IPO5: variants seen among roughly 807,000 people sequenced by gnomAD.
IPO5 encodes importin 5.
Under a neutral mutation model 143.3 loss-of-function variants are expected in IPO5, and 18 were observed. The ratio of observed to expected loss-of-function variants is 0.13; its 90% CI spans 0.09 to 0.19. The LOEUF (loss-of-function observed/expected upper bound fraction) is 0.19, where lower values mean the gene tolerates loss of function less well. Ranked by LOEUF, IPO5 falls within the 10% of genes least tolerant of loss-of-function variation. The probability of loss-of-function intolerance (pLI) is 1.00; values close to 1 mark genes in which losing one functional copy is unlikely to be tolerated. For synonymous variants in IPO5, 477 were observed against 465.7 expected (o/e 1.02, Z -0.31); for missense variants, 1,013 against 1,336.9 (o/e 0.76, Z 3.78).
intron 25 of IPO5, 125 bp from the exon 26 acceptor site, chr13:98,018,360 A>C: frequency 1.5e-6 from 1 of 689,508 alleles, no homozygotes; most frequent in Non-Finnish European, 2.5e-6. Context: ...GGTTGTTACT[A>C]TGTTTTCTTT....
intron 20 of IPO5, among the ~76,000 whole-genome samples, chr13:98,011,401 C>A (rs1298732005): frequency 1.3e-5 from 2 of 152,172 alleles, no homozygotes; most frequent in Non-Finnish European, 2.9e-5. Flanking sequence ...AGTGATTCTC[C>A]TGCCTTAACC....
rs1414167198 is a variant in IPO5, at chr13:98,023,365, TA to T, written c.*1548del. 1 of 152,144 alleles carries T rather than the reference TA, an allele frequency of 6.6e-6. No homozygotes were observed. Among genetic ancestry groups the T allele is most frequent in the Admixed American group, 6.6e-5 (1 of 15,254 alleles). 9.4% of individuals were successfully genotyped at this position (152,144 alleles called of 1,614,324 possible). A position where few individuals can be genotyped will look rare whatever the true frequency, so the allele number is the denominator to read the frequency against. On this transcript the variant is annotated 3_prime_UTR_variant, in exon 29 of 29. Coordinates refer to ENST00000651721, the MANE Select transcript of IPO5 (RefSeq NM_002271.6). ...TGGGAGAAAAAAATGGGAATTGGAG[TA>T]AAAAGTGTGTCAAGACAACCCCTTT... is the stretch of plus-strand genomic sequence containing the variant.
chr13:97,974,573 G>A (rs1886103242), intron 3 of IPO5, among the ~76,000 whole-genome samples: 1 of 151,264 alleles, frequency 6.6e-6, no homozygotes. Context: ...GCCCCCCAAA[G>A]TGCTGGGATT....
Position 98,004,370 on chromosome 13 carries a change from C to G in IPO5, c.1497+1333C>G, listed in dbSNP as rs75150226. 2.4e-4 allele frequency among the ~76,000 whole-genome samples: 37 copies of G among 152,238 alleles called. No individual in the cohort carries two copies. In the East Asian group the frequency reaches 3.5e-3, roughly 14 times the overall value. ...GTGCTCAGTATCAGATGACAGCAGACTAAGAATATGATAAAGGAAACATTC... is the reference window on the plus strand; with the variant it reads ...GTGCTCAGTATCAGATGACAGCAGAGTAAGAATATGATAAAGGAAACATTC... On this transcript the variant is annotated intron_variant, in intron 16 of 28. Coordinates refer to ENST00000651721, the MANE Select transcript of IPO5 (RefSeq NM_002271.6).
Position 97,988,523 on chromosome 13 carries a change from C to A in IPO5, c.365-539C>A, listed in dbSNP as rs764164249. On this transcript the variant is annotated intron_variant, in intron 6 of 28. Coordinates refer to ENST00000651721, the MANE Select transcript of IPO5 (RefSeq NM_002271.6). Reference sequence around the variant, plus strand: ...CCTCTGCCAGCCAGGTGCGGTGGCTCACGCCTGTAATCCTAGTACTTTGGA... The same window carrying A: ...CCTCTGCCAGCCAGGTGCGGTGGCTAACGCCTGTAATCCTAGTACTTTGGA... Among the ~76,000 whole-genome samples, 11 of 152,206 alleles carry A rather than the reference C, an allele frequency of 7.2e-5. 1 individual carries two copies. The highest frequency in any genetic ancestry group is 2.0e-4 in the Admixed American group (3 of 15,274).
rs753815247 is a variant in IPO5, at chr13:98,019,897, C to T, written c.3065+88C>T. ...CTAACATCAGTCTTTTAAGGTTTAACCACATGATCTCTGCACAGTCCTCAG... is the reference window on the plus strand; with the variant it reads ...CTAACATCAGTCTTTTAAGGTTTAATCACATGATCTCTGCACAGTCCTCAG... On this transcript the variant is annotated intron_variant, in intron 27 of 28. Transcript: ENST00000651721. 7.9e-5 allele frequency: 65 copies of T among 819,194 alleles called. 1 individual carries two copies. The highest frequency in any genetic ancestry group is 1.3e-4 in the South Asian group (9 of 67,814). The allele number at this position is 819,194 out of a possible 1,614,324, so 50.7% of individuals were successfully genotyped here.
chr13:98,005,631 GT>G (rs951066232), intron 16 of IPO5, among the ~76,000 whole-genome samples: 25 of 152,234 alleles, frequency 1.6e-4, no homozygotes, highest in African/African-American at 5.5e-4. Flanking sequence ...CATCTCATCT[GT>G]TTCAGCAAGA....
chr13:98,003,907 C>G (rs534900138), intron 16 of IPO5, among the ~76,000 whole-genome samples: 1 of 151,776 alleles, frequency 6.6e-6, no homozygotes, highest in East Asian at 1.9e-4. Flanking sequence ...ACCAGAGTGG[C>G]AGAAATACAG....
At chr13:98,018,449 C>G in intron 25 of IPO5, 36 bp from the exon 26 acceptor site, 1 of 1,383,908 alleles carries the variant, frequency 7.2e-7, no homozygotes, top group South Asian at 1.2e-5. Context: ...TTGTGTACAC[C>G]AGTATTTGAA....
chr13:97,955,994 T>C (rs1884427219), intron 2 of IPO5, among the ~76,000 whole-genome samples: 1 of 151,842 alleles, frequency 6.6e-6, no homozygotes, highest in African/African-American at 2.4e-5. Context: ...TAGCCGGGCG[T>C]GGTGGCGGGC....
chr13:98,006,499 C>G (rs1345769870), intron 17 of IPO5, 151 bp downstream of exon 17: 4 of 548,220 alleles, frequency 7.3e-6, no homozygotes, highest in African/African-American at 2.0e-5. Context: ...CTCAGCCTCC[C>G]GAGTAGCTGG....
Position 97,976,736 on chromosome 13 carries a change from C to T in IPO5, c.40C>T (p.Leu14Phe). 7.1e-7 allele frequency: 1 copy of T among 1,416,670 alleles called. No homozygotes were observed. Among genetic ancestry groups the T allele is most frequent in the South Asian group, 1.2e-5 (1 of 83,896 alleles). The allele number at this position is 1,416,670 out of a possible 1,614,324, so 87.8% of individuals were successfully genotyped here. The change falls in exon 4 of 29, where the codon CTC becomes TTC. Residue 14 changes from leucine (L) to phenylalanine (F), a missense_variant. This residue lies in a region of IPO5 where 328 missense variants were observed against 342.0 expected (regional missense o/e 0.96). Transcript: ENST00000651721. ...AAAEQQQFYL[L>F]LGNLLSPDNV... Reference sequence around the variant, plus strand: ...GGCGGAGCAGCAACAGTTCTACCTGCTCCTGGGAAACCTGCTCAGCCCCGA... The same window carrying T: ...GGCGGAGCAGCAACAGTTCTACCTGTTCCTGGGAAACCTGCTCAGCCCCGA...
At chr13:97,966,357 G>C (rs1218251046) in intron 2 of IPO5, among the ~76,000 whole-genome samples, 1 of 152,086 alleles carries the variant, frequency 6.6e-6, no homozygotes, top group African/African-American at 2.4e-5. Flanking sequence ...ATTGGATTCT[G>C]TGAAAAGCTT....
chr13:97,955,531 C>A lies in IPO5; in HGVS notation c.-113+1333C>A, dbSNP rs558368912. On this transcript the variant is annotated intron_variant, in intron 2 of 28. Transcript: ENST00000651721. ...AGGCAGAAATATAAGAGTTGAAATC[C>A]CAGAGTTCCAGAACAATTTCACCTC... Among the ~76,000 whole-genome samples the A allele has an allele frequency of 7.2e-5, 11 of 152,198 alleles. No individual in the cohort carries two copies. In the East Asian group the frequency reaches 2.1e-3, roughly 29 times the overall value.
Position 98,018,358 on chromosome 13 carries a change from CTA to C in IPO5, c.2617-125_2617-124del, listed in dbSNP as rs1309830264. 4.4e-6 allele frequency: 3 copies of C among 680,748 alleles called. No individual in the cohort carries two copies. In the Admixed American group the frequency reaches 9.0e-5, roughly 20 times the overall value. 42.2% of individuals were successfully genotyped at this position (680,748 alleles called of 1,614,324 possible). The stretch of plus-strand genomic sequence containing the variant: ...CGTTGGTCACAAGAAGTGGTTGTTA[CTA>C]TGTTTTCTTTTTTCTTTTGCCTGTA... On this transcript the variant is annotated intron_variant, in intron 25 of 28. Coordinates refer to ENST00000651721, the MANE Select transcript of IPO5 (RefSeq NM_002271.6).
intron 24 of IPO5, among the ~76,000 whole-genome samples, chr13:98,016,051 A>C (rs951834258): frequency 1.3e-5 from 2 of 152,246 alleles, no homozygotes; most frequent in Non-Finnish European, 2.9e-5. Context: ...TGCTCACAAC[A>C]ACCATTTGTA....
chr13:98,012,075 T>G (rs933953504), intron 20 of IPO5, among the ~76,000 whole-genome samples, 171 bp from the exon 21 acceptor site: 4 of 152,188 alleles, frequency 2.6e-5, no homozygotes, highest in Non-Finnish European at 4.4e-5. Context: ...ATGACCCTTC[T>G]TTTAAGACTC....
intron 20 of IPO5, among the ~76,000 whole-genome samples, chr13:98,011,267 T>A (rs902169794): frequency 6.6e-6 from 1 of 151,946 alleles, no homozygotes; most frequent in Non-Finnish European, 1.5e-5. Context: ...AATTGGGTTT[T>A]TGGGGTTTTT....
chr13:98,002,625 T>C, intron 14 of IPO5, 34 bp downstream of exon 14: 1 of 1,607,234 alleles, frequency 6.2e-7, no homozygotes, highest in Non-Finnish European at 8.5e-7. Context: ...TCAAAATGAT[T>C]AGTGTAGCTT....
Sources: allele counts gnomAD v4.1 joint callset (sites outside exome capture counted in the v4.1 genomes callset), GRCh38; gene constraint gnomAD v4.1.1; regional missense constraint gnomAD v4.1.1; transcripts MANE v1.5; gene names NCBI Gene and HGNC (gene_info 2026-07-23, HGNC 2026-07-21).